Variants in GBX1 observed in about 807,000 individuals in gnomAD.
GBX1 encodes the protein homeobox protein GBX-1.
In GBX1, 9 loss-of-function variants were observed where a neutral mutation model predicts 22.9. That is an observed-to-expected ratio of 0.39 (90% CI 0.24 to 0.69). GBX1 has a LOEUF of 0.69. GBX1 is among the 30% of genes least tolerant of loss of function. GBX1 has a pLI of 0.43. For synonymous variants in GBX1, 203 were observed against 227.3 expected, an observed-to-expected ratio of 0.89 and a Z score of 0.96; for missense variants, 494 against 509.2, an observed-to-expected ratio of 0.97 and a Z score of 0.29.
intron 1 of GBX1, among the ~76,000 whole-genome samples, chr7:151,157,096 G>C (rs1411152653): frequency 6.6e-6 from 1 of 150,844 alleles, no homozygotes; most frequent in Non-Finnish European, 1.5e-5. Flanking sequence ...AGGAATTTAA[G>C]ACCAGCCTGG....
At position 151,167,098 on chromosome 7, in the gene GBX1, C is replaced by T. The variant is rs200545413; in HGVS notation, c.451G>A (p.Asp151Asn). 3.7e-5 allele frequency: 60 copies of T among 1,604,118 alleles called. No homozygotes were observed. The African/African-American group carries it at 7.9e-4, about 21-fold the overall frequency. ...GRRPEGGLEA[D>N]ELLPAREKVA... ...TTCTCCCGGGCCGGCAGCAGCTCAT[C>T]AGCTTCCAGCCCACCCTCTGGGCGT... Residue 151 changes from aspartate to asparagine, a missense_variant, in exon 1 of 2, where the codon GAT (aspartate) becomes AAT (asparagine). Transcript: ENST00000297537. This position sits in a 1 kb window ranked among gnomAD's most constrained non-coding sequence, Gnocchi z 5.9.
At chr7:151,162,926 C>T (rs902507263) in intron 1 of GBX1, among the ~76,000 whole-genome samples, 1 of 151,896 alleles carries the variant, frequency 6.6e-6, no homozygotes, top group African/African-American at 2.4e-5. Flanking sequence ...CCTGCCTCAG[C>T]CTCCTGAGTA....
At chr7:151,159,036 C>G (rs943249729) in intron 1 of GBX1, among the ~76,000 whole-genome samples, 6 of 152,012 alleles carry the variant, frequency 3.9e-5, no homozygotes, top group Non-Finnish European at 8.8e-5. Context: ...TGCTCCTTTG[C>G]ACTACACCTC....
intron 1 of GBX1, chr7:151,149,762 C>T (rs1801057109): frequency 2.7e-6 from 1 of 366,504 alleles, no homozygotes; most frequent in Non-Finnish European, 5.4e-6. Context: ...TCCTCCTCTC[C>T]CTCTTCCCTA....
rs1801036107 is a variant in GBX1, at chr7:151,148,231, C to T, written c.*358G>A. On this transcript the variant is annotated 3_prime_UTR_variant, in exon 2 of 2. Transcript: ENST00000297537. This position sits in a 1 kb window ranked among gnomAD's most constrained non-coding sequence, Gnocchi z 5.1. ...CTAGGTATCGCCTGTTCCCTCCACC[C>T]ATCAGAAGCTGTTCCAGGGCATTTG... Among the ~76,000 whole-genome samples the T allele has an allele frequency of 6.6e-6, 1 of 152,162 alleles. No individual in the cohort carries two copies. The highest frequency in any genetic ancestry group is 2.4e-5 in the African/African-American group (1 of 41,426).
At chr7:151,156,401 A>C (rs1801135038) in intron 1 of GBX1, among the ~76,000 whole-genome samples, 1 of 147,818 alleles carries the variant, frequency 6.8e-6, no homozygotes, top group Admixed American at 6.7e-5. Context: ...AAAAAAAAAA[A>C]AAAAAAAAAA....
chr7:151,160,282 C>G (rs978983655), intron 1 of GBX1, among the ~76,000 whole-genome samples: 1 of 152,198 alleles, frequency 6.6e-6, no homozygotes, highest in Non-Finnish European at 1.5e-5. Flanking sequence ...TTAATTGCAG[C>G]ACAAAGCACT....
chr7:151,158,946 C>T (rs959203144), intron 1 of GBX1, among the ~76,000 whole-genome samples: 1 of 152,208 alleles, frequency 6.6e-6, no homozygotes, highest in Non-Finnish European at 1.5e-5. Context: ...ACAGACTGTA[C>T]AGGTGAGTAC....
chr7:151,164,776 C>CTTTTTTTTT (rs71533521), intron 1 of GBX1, among the ~76,000 whole-genome samples: 31 of 104,382 alleles, frequency 3.0e-4, no homozygotes, highest in Non-Finnish European at 4.5e-4. Flanking sequence ...AAATTTCCCT[C>CTTTTTTTTT]TTTTTTTTTT....
Position 151,167,210 on chromosome 7 carries a change from G to T in GBX1, c.339C>A (p.Asp113Glu). 1.3e-6 allele frequency: 2 copies of T among 1,562,778 alleles called. No individual in the cohort carries two copies. The highest frequency in any genetic ancestry group is 8.6e-7 in the Non-Finnish European group (1 of 1,156,470). ...CGAGCTCCTGGGGCCCGTAGAAAGC[G>T]TCGGGCGGCTCCGCGAAGCTGGGCA... is the stretch of plus-strand genomic sequence containing the variant. ...TALPSFAEPP[D>E]AFYGPQELAA... The change falls in exon 1 of 2, where the codon GAC becomes GAA. Residue 113 changes from aspartate to glutamate, a missense_variant. Physicochemically the swap from Asp to Glu is conservative, Grantham distance 45. This residue lies in a region of GBX1 where 365 missense variants were observed against 340.4 expected (regional missense o/e 1.07). Transcript: ENST00000297537. This position sits in a 1 kb window ranked among gnomAD's most constrained non-coding sequence, Gnocchi z 5.9.
intron 1 of GBX1, among the ~76,000 whole-genome samples, chr7:151,156,814 G>A (rs1801140546): frequency 6.6e-6 from 1 of 151,634 alleles, no homozygotes; most frequent in African/African-American, 2.4e-5. Context: ...GTAAAACCCT[G>A]TTTCTACTAA....
intron 1 of GBX1, among the ~76,000 whole-genome samples, chr7:151,159,116 A>T (rs1212883034): frequency 1.3e-5 from 2 of 148,366 alleles, no homozygotes; most frequent in African/African-American, 2.5e-5. Flanking sequence ...ACAGGGTCTC[A>T]CTCCGTTACC....
intron 1 of GBX1, among the ~76,000 whole-genome samples, chr7:151,156,386 A>C (rs948742419): frequency 6.7e-5 from 4 of 59,596 alleles, no homozygotes; most frequent in African/African-American, 4.7e-4. Flanking sequence ...ACCCTGTCTC[A>C]AAAAAAAAAA....
At chr7:151,150,662 A>G (rs1001760) in intron 1 of GBX1, among the ~76,000 whole-genome samples, 66,654 of 146,380 alleles carry the variant, frequency 0.46, 16,441 homozygotes, top group African/African-American at 0.68. Context: ...CTTCCCCCTC[A>G]CAGGTGCAGT....
chr7:151,165,374 T>TCC (rs986070476), intron 1 of GBX1, among the ~76,000 whole-genome samples: 47 of 152,100 alleles, frequency 3.1e-4, no homozygotes, highest in African/African-American at 9.6e-4. Flanking sequence ...TACCAAGGGA[T>TCC]CCCCCCTCCA....
At chr7:151,157,807 G>A (rs1801152300) in intron 1 of GBX1, among the ~76,000 whole-genome samples, 1 of 152,164 alleles carries the variant, frequency 6.6e-6, no homozygotes, top group Admixed American at 6.5e-5. Flanking sequence ...ATTGTAATAT[G>A]CTATCTCCCT....
At chr7:151,156,635 T>C (rs1037410902) in intron 1 of GBX1, among the ~76,000 whole-genome samples, 9 of 152,076 alleles carry the variant, frequency 5.9e-5, no homozygotes, top group African/African-American at 2.2e-4. Context: ...TCCCGTTCTT[T>C]TGTCCTTATT....
At chr7:151,150,791 T>TG (rs1327565282) in intron 1 of GBX1, among the ~76,000 whole-genome samples, 2 of 152,168 alleles carry the variant, frequency 1.3e-5, no homozygotes, top group African/African-American at 4.8e-5. Flanking sequence ...TGGAGTATAG[T>TG]GCACAGTCTT....
chr7:151,167,189 C>T lies in GBX1; in HGVS notation c.360G>A (p.Glu120=), dbSNP rs779888452. The T allele has an allele frequency of 1.9e-6, 3 of 1,570,384 alleles. No individual in the cohort carries two copies. Among genetic ancestry groups the T allele is most frequent in the Non-Finnish European group, 2.6e-6 (3 of 1,160,642 alleles). Residue 120 remains glutamate (E), a synonymous_variant, in exon 1 of 2, where the codon GAG becomes GAA. Transcript: ENST00000297537. The surrounding 1 kb of genome is among the most constrained non-coding windows in gnomAD (Gnocchi z 5.9). ...CGGCGGCGGCAGCGGCGGCGGCGAGCTCCTGGGGCCCGTAGAAAGCGTCGG... is the reference window on the plus strand; with the variant it reads ...CGGCGGCGGCAGCGGCGGCGGCGAGTTCCTGGGGCCCGTAGAAAGCGTCGG... ...EPPDAFYGPQ[E]LAAAAAAAAA...
Sources: gnomAD v4.1 joint callset for allele counts (sites outside exome capture counted in the v4.1 genomes callset) on GRCh38, gnomAD v4.1.1 for gene constraint, gnomAD v4.1.1 regional missense constraint, Gnocchi (gnomAD v3.1) non-coding constraint, MANE v1.5 for transcripts, NCBI Gene and HGNC (gene_info 2026-07-23, HGNC 2026-07-21) for gene names.